Variants in EYS observed in about 807,000 individuals in gnomAD.
EYS encodes the protein EGF-like photoreceptor maintenance factor, also known as protein eyes shut homolog.
Under a neutral mutation model 282.1 loss-of-function variants are expected in EYS, and 250 were observed. That is an observed-to-expected ratio of 0.89 (90% confidence interval 0.80 to 0.98). The LOEUF is 0.98. Ranked by LOEUF, EYS falls within the 50% of genes least tolerant of loss-of-function variation. EYS has a pLI of 0.00. For synonymous variants in EYS, 1,355 were observed against 1,282.9 expected (o/e 1.06, Z -1.20); for missense variants, 4,016 against 3,709.0 (o/e 1.08, Z -2.15).
intron 12 of EYS, among the ~76,000 whole-genome samples, chr6:65,153,362 AATGTGTGT>A (rs1401905051): frequency 2.1e-5 from 2 of 95,972 alleles, no homozygotes; most frequent in African/African-American, 8.5e-5. Flanking sequence ...AGAGATCATA[AATGTGTGT>A]GTGTGTGTGT....
intron 19 of EYS, among the ~76,000 whole-genome samples, chr6:64,834,833 G>GT (rs1289976358): frequency 6.6e-6 from 1 of 151,712 alleles, no homozygotes; most frequent in African/African-American, 2.4e-5. Flanking sequence ...ACAATTCTTA[G>GT]TTGTTAATTT....
intron 30 of EYS, among the ~76,000 whole-genome samples, chr6:64,283,948 G>T (rs938367000): frequency 2.0e-5 from 3 of 152,108 alleles, no homozygotes; most frequent in African/African-American, 4.8e-5. Flanking sequence ...TCCCACAATA[G>T]GTGGGAATGA....
chr6:65,189,143 A>T (rs1201828623), intron 12 of EYS, among the ~76,000 whole-genome samples: 8 of 151,602 alleles, frequency 5.3e-5, no homozygotes, highest in Non-Finnish European at 8.8e-5. Flanking sequence ...GGTAATGTGA[A>T]AATTTTTTAA....
intron 22 of EYS, among the ~76,000 whole-genome samples, chr6:64,773,576 A>C (rs1773589700): frequency 6.6e-6 from 1 of 151,966 alleles, no homozygotes; most frequent in African/African-American, 2.4e-5. Context: ...TGGGTGAACT[A>C]CATTACATTC....
At chr6:64,010,077 C>G (rs1432262810) in intron 33 of EYS, among the ~76,000 whole-genome samples, 1 of 152,102 alleles carries the variant, frequency 6.6e-6, no homozygotes, top group Non-Finnish European at 1.5e-5. Flanking sequence ...TGGTACCAGA[C>G]TCCTGGCTTT....
intron 22 of EYS, among the ~76,000 whole-genome samples, chr6:64,751,539 C>T (rs532573185): frequency 3.9e-5 from 6 of 152,212 alleles, no homozygotes; most frequent in African/African-American, 1.2e-4. Context: ...CTTTGTCCCC[C>T]ACTCTGGGGC....
intron 35 of EYS, among the ~76,000 whole-genome samples, chr6:63,945,144 A>T (rs1288993213): frequency 2.0e-5 from 3 of 152,148 alleles, no homozygotes; most frequent in Non-Finnish European, 4.4e-5. Context: ...TGGGTAATTT[A>T]AGAAGGAAAG....
At chr6:64,463,020 C>T (rs1278800306) in intron 26 of EYS, among the ~76,000 whole-genome samples, 2 of 147,096 alleles carry the variant, frequency 1.4e-5, no homozygotes, top group Non-Finnish European at 3.0e-5. Flanking sequence ...ATCTCGGGCT[C>T]ACTGCAAGCT....
intron 12 of EYS, among the ~76,000 whole-genome samples, chr6:65,133,404 T>G (rs1581940002): frequency 6.6e-6 from 1 of 152,034 alleles, no homozygotes; most frequent in Non-Finnish European, 1.5e-5. Flanking sequence ...AATAAAACAT[T>G]ATGGTACTAG....
chr6:64,980,809 T>C (rs1329936369), intron 14 of EYS, among the ~76,000 whole-genome samples: 1 of 151,404 alleles, frequency 6.6e-6, no homozygotes, highest in Non-Finnish European at 1.5e-5. Context: ...ATGTGGTTTG[T>C]CATCTTCCAT....
At chr6:65,514,078 G>T (rs1361520681) in intron 2 of EYS, among the ~76,000 whole-genome samples, 2 of 151,912 alleles carry the variant, frequency 1.3e-5, no homozygotes, top group Non-Finnish European at 2.9e-5. Context: ...AAGCTGATAA[G>T]CAACTTCAGC....
intron 19 of EYS, among the ~76,000 whole-genome samples, chr6:64,885,639 G>A (rs1020065035): frequency 6.6e-6 from 1 of 151,742 alleles, no homozygotes; most frequent in Non-Finnish European, 1.5e-5. Context: ...TATATGTAAT[G>A]AACTTTGCAG....
At chr6:64,812,681 A>G (rs1764632891) in intron 22 of EYS, among the ~76,000 whole-genome samples, 1 of 152,046 alleles carries the variant, frequency 6.6e-6, no homozygotes, top group African/African-American at 2.4e-5. Flanking sequence ...TGACAGAAAT[A>G]CAGCTCACAA....
intron 2 of EYS, among the ~76,000 whole-genome samples, chr6:65,547,146 T>A (rs999006660): frequency 2.0e-4 from 30 of 151,396 alleles, no homozygotes; most frequent in African/African-American, 7.0e-4. Context: ...AGGTCTTATC[T>A]ACTTCCTGCC....
At chr6:64,462,085 T>C (rs1582784603) in intron 26 of EYS, among the ~76,000 whole-genome samples, 2 of 152,168 alleles carry the variant, frequency 1.3e-5, no homozygotes, top group South Asian at 2.1e-4. Context: ...AATGTGTTTG[T>C]TAATTATTAG....
chr6:63,778,181 C>T lies in EYS; in HGVS notation c.7724-1G>A. The T allele has an allele frequency of 6.4e-7, 1 of 1,551,554 alleles. No homozygotes were observed. The highest frequency in any genetic ancestry group is 8.7e-7 in the Non-Finnish European group (1 of 1,146,842). On this transcript the variant is annotated splice_acceptor_variant, in intron 39 of 42. Transcript: ENST00000503581. LOFTEE classifies it high-confidence loss of function. ...CGAACTTGAAGAGTGAAAATACAGCCTTGAAGAAATGCAAAAACACTTCGT... is the reference window on the plus strand; with the variant it reads ...CGAACTTGAAGAGTGAAAATACAGCTTTGAAGAAATGCAAAAACACTTCGT...
intron 12 of EYS, among the ~76,000 whole-genome samples, chr6:65,279,660 G>T (rs1015735369): frequency 6.6e-6 from 1 of 152,094 alleles, no homozygotes; most frequent in African/African-American, 2.4e-5. Flanking sequence ...ATGACTAAAT[G>T]AGTGAATAAA....
intron 12 of EYS, among the ~76,000 whole-genome samples, chr6:65,117,916 A>G (rs1775424927): frequency 1.3e-5 from 2 of 152,192 alleles, no homozygotes; most frequent in Admixed American, 6.5e-5. Context: ...GTGGTGAATT[A>G]TTACATCTAG....
At chr6:64,486,788 C>A (rs749348761) in intron 26 of EYS, among the ~76,000 whole-genome samples, 1 of 151,270 alleles carries the variant, frequency 6.6e-6, no homozygotes, top group African/African-American at 2.4e-5. Context: ...CATAAATCAT[C>A]CAGGCTTAAT....
Sources: gnomAD v4.1 joint callset for allele counts (sites outside exome capture counted in the v4.1 genomes callset) on GRCh38, gnomAD v4.1.1 for gene constraint, MANE v1.5 for transcripts, NCBI Gene and HGNC (gene_info 2026-07-23, HGNC 2026-07-21) for gene names.